Variants in ARHGAP42 observed in about 807,000 individuals in gnomAD.
ARHGAP42 encodes the protein rho GTPase-activating protein 42.
A neutral mutation model predicts 125.0 loss-of-function variants in ARHGAP42; 63 were observed. The observed-to-expected ratio is 0.50, with a 90% CI of 0.41 to 0.62. The LOEUF is 0.62. ARHGAP42 is among the 20% of genes least tolerant of loss of function. The pLI is 0.00. For missense variants in ARHGAP42, 766 were observed against 1,024.2 expected (o/e 0.75, Z 3.44); for synonymous variants, 339 against 351.0 (o/e 0.97, Z 0.38).
chr11:100,840,265 C>T (rs1565236753), intron 3 of ARHGAP42, among the ~76,000 whole-genome samples: 1 of 152,086 alleles, frequency 6.6e-6, no homozygotes, highest in Non-Finnish European at 1.5e-5. Flanking sequence ...CCTTGGGACA[C>T]CCAAGGTCGC....
chr11:100,794,424 G>A (rs1170096469), intron 2 of ARHGAP42, among the ~76,000 whole-genome samples: 1 of 152,092 alleles, frequency 6.6e-6, no homozygotes, highest in African/African-American at 2.4e-5. Flanking sequence ...TCTAAAGCAG[G>A]CCTCTCAACT....
At position 100,689,418 on chromosome 11, in the gene ARHGAP42, C is replaced by G. The variant is rs912615475; in HGVS notation, c.154+1586C>G. On this transcript the variant is annotated intron_variant, in intron 1 of 23. Coordinates refer to ENST00000298815, the MANE Select transcript of ARHGAP42 (RefSeq NM_152432.4). ...GTTCTTGTTGGAGGTGCCAGATATT[C>G]TACATTTTTCTCCCCGCTCTGCTTG... is the stretch of plus-strand genomic sequence containing the variant. 9.2e-5 allele frequency among the ~76,000 whole-genome samples: 14 copies of G among 152,282 alleles called. 1 individual carries two copies. Among genetic ancestry groups the G allele is most frequent in the Middle Eastern group, 6.8e-3 (2 of 294 alleles).
intron 1 of ARHGAP42, among the ~76,000 whole-genome samples, chr11:100,761,431 T>C (rs1324366274): frequency 2.0e-5 from 3 of 152,214 alleles, no homozygotes; most frequent in Non-Finnish European, 4.4e-5. Context: ...TTCCCCAGGG[T>C]AGGAAGATGG....
At chr11:100,723,846 A>G (rs1861807651) in intron 1 of ARHGAP42, among the ~76,000 whole-genome samples, 1 of 152,158 alleles carries the variant, frequency 6.6e-6, no homozygotes, top group South Asian at 2.1e-4. Context: ...CTTATGGAGA[A>G]AGCATCTAGT....
chr11:100,836,152 T>C (rs1459681558), intron 3 of ARHGAP42, among the ~76,000 whole-genome samples: 1 of 152,064 alleles, frequency 6.6e-6, no homozygotes, highest in Non-Finnish European at 1.5e-5. Context: ...TCAGACAGTT[T>C]TATTGACTTG....
intron 22 of ARHGAP42, among the ~76,000 whole-genome samples, chr11:100,979,567 C>G (rs1293085875): frequency 6.6e-6 from 1 of 152,134 alleles, no homozygotes; most frequent in Non-Finnish European, 1.5e-5. Context: ...GTTGTTACAT[C>G]TTGCTTCTAC....
chr11:100,749,479 C>T (rs1162753052), intron 1 of ARHGAP42, among the ~76,000 whole-genome samples: 3 of 146,650 alleles, frequency 2.0e-5, no homozygotes, highest in Non-Finnish European at 4.5e-5. Context: ...AGGCATGTCT[C>T]GCCTGGCCTG....
chr11:100,717,454 A>G (rs538049727), intron 1 of ARHGAP42, among the ~76,000 whole-genome samples: 4 of 152,000 alleles, frequency 2.6e-5, no homozygotes, highest in South Asian at 4.2e-4. Flanking sequence ...TGGCTAACAC[A>G]GTGAAACCCC....
chr11:100,847,400 G>T (rs950733975), intron 3 of ARHGAP42, among the ~76,000 whole-genome samples: 1 of 152,108 alleles, frequency 6.6e-6, no homozygotes, highest in African/African-American at 2.4e-5. Flanking sequence ...GCTTTCTCAC[G>T]TGGGAATGGC....
chr11:100,836,165 C>T (rs1864782061), intron 3 of ARHGAP42, among the ~76,000 whole-genome samples: 1 of 151,804 alleles, frequency 6.6e-6, no homozygotes. Context: ...TTGACTTGGC[C>T]AAGATTATGC....
intron 17 of ARHGAP42, among the ~76,000 whole-genome samples, chr11:100,967,963 G>A (rs1300360161): frequency 2.0e-5 from 3 of 152,006 alleles, no homozygotes; most frequent in Non-Finnish European, 4.4e-5. Flanking sequence ...ACCTCGTGAT[G>A]CACCCGCCTC....
chr11:100,789,469 ACT>A (rs1187680693), intron 2 of ARHGAP42, among the ~76,000 whole-genome samples: 1 of 151,992 alleles, frequency 6.6e-6, no homozygotes, highest in African/African-American at 2.4e-5. Flanking sequence ...ATATGGCTTT[ACT>A]CTCTCTCTGG....
At chr11:100,716,729 A>T (rs546528850) in intron 1 of ARHGAP42, among the ~76,000 whole-genome samples, 191 of 152,304 alleles carry the variant, frequency 1.3e-3, no homozygotes, top group African/African-American at 4.4e-3. Flanking sequence ...GCAAAAAAGA[A>T]ATTAATTAAA....
intron 1 of ARHGAP42, among the ~76,000 whole-genome samples, chr11:100,693,107 G>T (rs751201931): frequency 6.6e-6 from 1 of 150,700 alleles, no homozygotes; most frequent in Non-Finnish European, 1.5e-5. Context: ...TTAGCTTCTT[G>T]TAAGAACTGC....
At chr11:100,848,109 G>T (rs1865113392) in intron 3 of ARHGAP42, among the ~76,000 whole-genome samples, 1 of 152,102 alleles carries the variant, frequency 6.6e-6, no homozygotes, top group Admixed American at 6.6e-5. Flanking sequence ...AGTGGGAATT[G>T]GGAAGCTTTG....
At position 100,704,792 on chromosome 11, in the gene ARHGAP42, C is replaced by T. The variant is rs140083841; in HGVS notation, c.154+16960C>T. Among the ~76,000 whole-genome samples, 301 of 151,068 alleles carry T rather than the reference C, an allele frequency of 2.0e-3. 2 individuals carry two copies. Among genetic ancestry groups the T allele is most frequent in the African/African-American group, 7.0e-3 (287 of 41,162 alleles). The stretch of plus-strand genomic sequence containing the variant: ...TGGGCAAAGCAAGAATCCCCGCCCC[C>T]GCCGCCCACTCCTTGTCTCTACAAA... On this transcript the variant is annotated intron_variant, in intron 1 of 23. Coordinates refer to ENST00000298815, the MANE Select transcript of ARHGAP42 (RefSeq NM_152432.4).
At chr11:100,935,675 C>G (rs200251522) in intron 7 of ARHGAP42, among the ~76,000 whole-genome samples, 5,738 of 104,670 alleles carry the variant, frequency 0.055, 155 homozygotes, top group Admixed American at 0.099. Flanking sequence ...CACACACACA[C>G]ACAGAGAGAG....
chr11:100,846,834 G>T (rs1364529122), intron 3 of ARHGAP42, among the ~76,000 whole-genome samples: 1 of 152,090 alleles, frequency 6.6e-6, no homozygotes, highest in Non-Finnish European at 1.5e-5. Context: ...TGAGTAAGAG[G>T]TGTTCAGATA....
intron 6 of ARHGAP42, among the ~76,000 whole-genome samples, chr11:100,923,120 A>G (rs539446666): frequency 3.9e-5 from 6 of 152,202 alleles, no homozygotes; most frequent in South Asian, 2.1e-4. Context: ...AACATTTCCT[A>G]TTCTAGGAAG....
Sources: allele counts gnomAD v4.1 joint callset (sites outside exome capture counted in the v4.1 genomes callset), GRCh38; gene constraint gnomAD v4.1.1; transcripts MANE v1.5; gene names NCBI Gene and HGNC (gene_info 2026-07-23, HGNC 2026-07-21).